The following ZNF736 variants were observed in gnomAD, a reference collection of about 807,000 sequenced individuals.
ZNF736 encodes zinc finger protein 736, also known as KRAB-containing zinc-finger repressor protein.
In ZNF736, 6 loss-of-function variants were observed where a neutral mutation model predicts 11.7. That is an observed-to-expected ratio of 0.51 (90% confidence interval 0.28 to 1.01). The LOEUF is 1.01. ZNF736 is among the 50% of genes least tolerant of loss of function. ZNF736 has a pLI of 0.09. For missense variants in ZNF736, 444 were observed against 496.0 expected, an observed-to-expected ratio of 0.90 and a Z score of 1.00; for synonymous variants, 139 against 164.7, an observed-to-expected ratio of 0.84 and a Z score of 1.19.
chr7:64,349,198 A>G lies in ZNF736; in HGVS notation c.*51A>G, dbSNP rs921144816. 47 of 1,361,922 alleles carry G rather than the reference A, an allele frequency of 3.5e-5. No individual in the cohort carries two copies. In the African/African-American group the frequency reaches 5.3e-4, roughly 15 times the overall value. 84.4% of individuals were successfully genotyped at this position (1,361,922 alleles called of 1,614,324 possible). ...CCTCATACTGTGTTCAACATCTGAAATTTAATACTGAACAAATGCAGTATA... is the reference window on the plus strand; with the variant it reads ...CCTCATACTGTGTTCAACATCTGAAGTTTAATACTGAACAAATGCAGTATA... On this transcript the variant is annotated 3_prime_UTR_variant, in exon 4 of 4. Coordinates refer to ENST00000423484, the MANE Select transcript of ZNF736 (RefSeq NM_001170905.3).
intron 3 of ZNF736, among the ~76,000 whole-genome samples, chr7:64,337,911 C>T (rs1475166349): frequency 1.3e-5 from 2 of 151,946 alleles, no homozygotes; most frequent in African/African-American, 2.4e-5. Context: ...TGTGCCACCA[C>T]ACCCGGCTAA....
chr7:64,314,453 G>T (rs1238925642), intron 1 of ZNF736, among the ~76,000 whole-genome samples: 1 of 152,160 alleles, frequency 6.6e-6, no homozygotes, highest in Admixed American at 6.5e-5. Context: ...TGGGGGTGTT[G>T]GGAGTGTCAT....
At chr7:64,327,069 C>G (rs900955032) in intron 1 of ZNF736, among the ~76,000 whole-genome samples, 4 of 152,116 alleles carry the variant, frequency 2.6e-5, no homozygotes, top group African/African-American at 9.7e-5. Context: ...CTATTTGGTT[C>G]ATAGTGCAGA....
intron 3 of ZNF736, among the ~76,000 whole-genome samples, chr7:64,344,908 A>G (rs80000457): frequency 0.035 from 5,270 of 150,172 alleles, 193 homozygotes; most frequent in East Asian, 0.17. Context: ...AATGCTTCCA[A>G]TATTTTTCTT....
rs1428528448 is a variant in ZNF736 at position 64,349,677 on chromosome 7, T to G, written c.*530T>G. ...AGTGTCCACAGTTTGTATACTTTAG[T>G]GTGCTTTTGTAGTGACTGGTAATAG... is the stretch of plus-strand genomic sequence containing the variant. On this transcript the variant is annotated 3_prime_UTR_variant, in exon 4 of 4. Coordinates refer to ENST00000423484, the MANE Select transcript of ZNF736 (RefSeq NM_001170905.3). 2 of 153,066 alleles carry G rather than the reference T, an allele frequency of 1.3e-5. No individual in the cohort carries two copies. The highest frequency in any genetic ancestry group is 4.8e-5 in the African/African-American group (2 of 41,446). 9.5% of individuals were successfully genotyped at this position (153,066 alleles called of 1,614,324 possible).
At chr7:64,336,136 A>G in intron 1 of ZNF736, 123 bp from the exon 2 acceptor site, 5 of 1,087,488 alleles carry the variant, frequency 4.6e-6, no homozygotes, top group Non-Finnish European at 6.6e-6. Context: ...GCTAGAAAGT[A>G]TCCTACTGGA....
At position 64,316,036 on chromosome 7, in the gene ZNF736, A is replaced by T. The variant is rs146688798; in HGVS notation, c.3+1883A>T. Among the ~76,000 whole-genome samples the T allele has an allele frequency of 1.5e-3, 235 of 152,230 alleles. 1 individual carries two copies. Among genetic ancestry groups the T allele is most frequent in the Middle Eastern group, 3.4e-3 (1 of 294 alleles). On this transcript the variant is annotated intron_variant, in intron 1 of 3. Coordinates refer to ENST00000423484, the MANE Select transcript of ZNF736 (RefSeq NM_001170905.3). ...GCGCGCCTTCCCAGAATGTCTTTGG[A>T]TCCTTTGCAGGGTGATGTGTCCTCA... is the stretch of plus-strand genomic sequence containing the variant.
chr7:64,330,529 GAC>G (rs1279007954), intron 1 of ZNF736, among the ~76,000 whole-genome samples: 1 of 151,956 alleles, frequency 6.6e-6, no homozygotes, highest in African/African-American at 2.4e-5. Flanking sequence ...TGAAATCAGA[GAC>G]CTCAGGAGCT....
At chr7:64,321,063 C>A (rs1788995797) in intron 1 of ZNF736, among the ~76,000 whole-genome samples, 1 of 152,134 alleles carries the variant, frequency 6.6e-6, no homozygotes, top group East Asian at 1.9e-4. Flanking sequence ...GTGATCATGG[C>A]CAGAGCAGTG....
chr7:64,324,922 T>C (rs1789062393), intron 1 of ZNF736, among the ~76,000 whole-genome samples: 1 of 152,262 alleles, frequency 6.6e-6, no homozygotes, highest in South Asian at 2.1e-4. Flanking sequence ...CTGGGTAATA[T>C]GACAGGCAGC....
At chr7:64,345,811 T>A (rs1165634732) in intron 3 of ZNF736, among the ~76,000 whole-genome samples, 1 of 152,060 alleles carries the variant, frequency 6.6e-6, no homozygotes, top group African/African-American at 2.4e-5. Context: ...TGTTACTGAT[T>A]TCTAGTTTCA....
intron 1 of ZNF736, among the ~76,000 whole-genome samples, chr7:64,325,214 T>A (rs1198138047): frequency 6.6e-6 from 1 of 152,250 alleles, no homozygotes; most frequent in Non-Finnish European, 1.5e-5. Flanking sequence ...AATTAATTTT[T>A]TGTAAATCTT....
chr7:64,347,307 C>T (rs1584277322), intron 3 of ZNF736, among the ~76,000 whole-genome samples: 1 of 149,628 alleles, frequency 6.7e-6, no homozygotes, highest in African/African-American at 2.5e-5. Context: ...CAACCTCCAC[C>T]TCCTGAGTTC....
chr7:64,345,302 G>A (rs533361436), intron 3 of ZNF736, among the ~76,000 whole-genome samples: 14 of 151,678 alleles, frequency 9.2e-5, no homozygotes, highest in African/African-American at 2.9e-4. Flanking sequence ...GATTACAGGC[G>A]TGAACCACTG....
In ZNF736 at chr7:64,350,109, A is replaced by G. The variant is rs1250700869; in HGVS notation, c.*962A>G. 1.3e-5 allele frequency: 2 copies of G among 152,206 alleles called. No homozygotes were observed. Among genetic ancestry groups the G allele is most frequent in the South Asian group, 2.1e-4 (1 of 4,826 alleles). The allele number at this position is 152,206 out of a possible 1,614,324, so 9.4% of individuals were successfully genotyped here. A position where few individuals can be genotyped will look rare whatever the true frequency, so the allele number is the denominator to read the frequency against. On this transcript the variant is annotated 3_prime_UTR_variant, in exon 4 of 4. Transcript: ENST00000423484. ...CCTGCATTTGAATGTTGGCCTCTCT[A>G]GGTTGGGGAAGTTCTCATGGATGTT...
chr7:64,315,587 T>C (rs1341282264), intron 1 of ZNF736, among the ~76,000 whole-genome samples: 1 of 152,158 alleles, frequency 6.6e-6, no homozygotes, highest in Non-Finnish European at 1.5e-5. Flanking sequence ...TTCGACGTAG[T>C]TAGGTTTCCT....
Position 64,349,042 on chromosome 7 carries a change from A to G in ZNF736, c.1179A>G (p.Gly393=), listed in dbSNP as rs546966754. Reference sequence around the variant, plus strand: ...CTAATCATAAGAGAATTCACACTGGAGAGAAACCCTACAAATGTGAAGAAT... The same window carrying G: ...CTAATCATAAGAGAATTCACACTGGGGAGAAACCCTACAAATGTGAAGAAT... The part of the protein sequence containing the change: ...DLTNHKRIHT[G]EKPYKCEECG... The change falls in exon 4 of 4, where the codon GGA becomes GGG. Residue 393 remains glycine, a synonymous_variant. Transcript: ENST00000423484. 3.4e-5 allele frequency: 54 copies of G among 1,606,390 alleles called. 2 individuals carry two copies. In the South Asian group the frequency reaches 5.9e-4, roughly 18 times the overall value.
chr7:64,345,165 A>G (rs1279275159), intron 3 of ZNF736, among the ~76,000 whole-genome samples: 2 of 150,844 alleles, frequency 1.3e-5, no homozygotes, highest in South Asian at 2.1e-4. Flanking sequence ...CTGGGGCTAT[A>G]GTTGCTCGCC....
rs1230961020 is a variant in ZNF736 at position 64,354,813 on chromosome 7, A to C, written c.*5666A>C. ...AGTTACTGTTCATTTTACTTTATAA[A>C]ATTGACATAATTGAGTTTATTAAAT... On this transcript the variant is annotated 3_prime_UTR_variant, in exon 4 of 4. Coordinates refer to ENST00000423484, the MANE Select transcript of ZNF736 (RefSeq NM_001170905.3). The C allele has an allele frequency of 6.6e-6, 1 of 152,232 alleles. No homozygotes were observed. Among genetic ancestry groups the C allele is most frequent in the African/African-American group, 2.4e-5 (1 of 41,452 alleles). The allele number at this position is 152,232 out of a possible 1,614,324, so 9.4% of individuals were successfully genotyped here.
Sources: gnomAD v4.1 joint callset for allele counts (sites outside exome capture counted in the v4.1 genomes callset) on GRCh38, gnomAD v4.1.1 for gene constraint, MANE v1.5 for transcripts, NCBI Gene and HGNC (gene_info 2026-07-23, HGNC 2026-07-21) for gene names.